CDH12: variants seen among roughly 807,000 people sequenced by gnomAD.
CDH12 encodes cadherin-12.
In CDH12, 41 loss-of-function variants were observed where a neutral mutation model predicts 74.1. That is an observed-to-expected ratio of 0.55 (90% CI 0.43 to 0.72). The LOEUF is 0.72. CDH12 is among the 30% of genes least tolerant of loss of function. The pLI is 0.00. For missense variants in CDH12, 945 were observed against 977.2 expected (o/e 0.97, Z 0.44); for synonymous variants, 399 against 355.0 (o/e 1.12, Z -1.39).
intron 6 of CDH12, among the ~76,000 whole-genome samples, chr5:21,955,404 TG>T (rs1561326108): frequency 6.6e-6 from 1 of 151,940 alleles, no homozygotes; most frequent in Non-Finnish European, 1.5e-5. Flanking sequence ...CTAGTTATGG[TG>T]GGATATTATT....
chr5:22,163,078 A>G (rs567898896), intron 4 of CDH12, among the ~76,000 whole-genome samples: 1 of 151,838 alleles, frequency 6.6e-6, no homozygotes, highest in East Asian at 1.9e-4. Context: ...TTGTATTTTT[A>G]GTAGAGACGG....
intron 1 of CDH12, among the ~76,000 whole-genome samples, chr5:22,792,823 T>A (rs1230597653): frequency 6.6e-6 from 1 of 152,158 alleles, no homozygotes; most frequent in Non-Finnish European, 1.5e-5. Context: ...ACTGGATATC[T>A]CTCCTGGTGT....
intron 5 of CDH12, among the ~76,000 whole-genome samples, chr5:22,049,492 T>C (rs1021691318): frequency 2.0e-5 from 3 of 152,094 alleles, no homozygotes; most frequent in African/African-American, 2.4e-5. Context: ...TTTCCTTGCC[T>C]AAGTTCAGCA....
chr5:22,272,446 C>A (rs1235523083), intron 3 of CDH12, among the ~76,000 whole-genome samples: 1 of 152,172 alleles, frequency 6.6e-6, no homozygotes, highest in Non-Finnish European at 1.5e-5. Context: ...CATGTATTCA[C>A]TGAAGTAGAT....
intron 4 of CDH12, among the ~76,000 whole-genome samples, chr5:22,121,832 C>G (rs568874655): frequency 2.6e-5 from 4 of 152,228 alleles, no homozygotes; most frequent in East Asian, 3.9e-4. Context: ...TGGAAAACCC[C>G]TTTGTTCACT....
chr5:22,695,766 C>T (rs771114754), intron 1 of CDH12, among the ~76,000 whole-genome samples: 10 of 152,066 alleles, frequency 6.6e-5, no homozygotes, highest in Non-Finnish European at 1.5e-4. Flanking sequence ...AATGACATCT[C>T]AGAATTTAGT....
chr5:22,481,941 A>T (rs2551502), intron 2 of CDH12, among the ~76,000 whole-genome samples: 143,131 of 152,196 alleles, frequency 0.94, 67,398 homozygotes, highest in Admixed American at 0.97. Flanking sequence ...AGTTATTTGT[A>T]AAATTATATA....
chr5:22,086,786 T>C (rs1743096293), intron 4 of CDH12, among the ~76,000 whole-genome samples: 1 of 152,184 alleles, frequency 6.6e-6, no homozygotes, highest in African/African-American at 2.4e-5. Flanking sequence ...GGGACATCTT[T>C]CCAGTACTTT....
chr5:22,087,636 G>A (rs1020559192), intron 4 of CDH12, among the ~76,000 whole-genome samples: 1 of 151,604 alleles, frequency 6.6e-6, no homozygotes, highest in African/African-American at 2.4e-5. Flanking sequence ...GTGAGACTTT[G>A]TCTCAAAAAA....
chr5:22,539,043 A>C (rs1737984820), intron 1 of CDH12, among the ~76,000 whole-genome samples: 1 of 152,200 alleles, frequency 6.6e-6, no homozygotes. Flanking sequence ...TTACAGGTGC[A>C]AGCCACTGTG....
At chr5:22,825,700 C>T (rs914608697) in intron 1 of CDH12, among the ~76,000 whole-genome samples, 4 of 152,266 alleles carry the variant, frequency 2.6e-5, no homozygotes, top group African/African-American at 9.6e-5. Context: ...CCTCTGTACA[C>T]AATTGGCTTG....
At chr5:22,788,487 C>A (rs764118450) in intron 1 of CDH12, among the ~76,000 whole-genome samples, 1 of 149,954 alleles carries the variant, frequency 6.7e-6, no homozygotes, top group Non-Finnish European at 1.5e-5. Flanking sequence ...ATTGAATACT[C>A]ACTATATGTC....
chr5:22,001,104 ATTG>A (rs1268892591), intron 5 of CDH12, among the ~76,000 whole-genome samples: 1 of 152,162 alleles, frequency 6.6e-6, no homozygotes, highest in Non-Finnish European at 1.5e-5. Flanking sequence ...GTCACCATTA[ATTG>A]TTGTAGCTTT....
At chr5:22,255,416 TA>T (rs1177217255) in intron 3 of CDH12, among the ~76,000 whole-genome samples, 1 of 151,832 alleles carries the variant, frequency 6.6e-6, no homozygotes, top group Non-Finnish European at 1.5e-5. Flanking sequence ...ATATGTATGC[TA>T]AAAACATTCA....
At chr5:22,423,856 A>G (rs1743764105) in intron 2 of CDH12, among the ~76,000 whole-genome samples, 1 of 151,758 alleles carries the variant, frequency 6.6e-6, no homozygotes, top group South Asian at 2.1e-4. Context: ...ACAAAAAATT[A>G]GCCGGGCGTG....
intron 1 of CDH12, among the ~76,000 whole-genome samples, chr5:22,779,993 T>C (rs1019355725): frequency 4.6e-5 from 7 of 152,258 alleles, no homozygotes; most frequent in African/African-American, 1.7e-4. Flanking sequence ...TAAGTTCATC[T>C]TCTTTATAAC....
chr5:22,256,027 T>C (rs1753302856), intron 3 of CDH12, among the ~76,000 whole-genome samples: 1 of 152,116 alleles, frequency 6.6e-6, no homozygotes, highest in African/African-American at 2.4e-5. Context: ...CTTCAAACCA[T>C]CTTATATTAT....
At chr5:22,132,576 G>C (rs999064618) in intron 4 of CDH12, among the ~76,000 whole-genome samples, 16 of 151,706 alleles carry the variant, frequency 1.1e-4, no homozygotes, top group African/African-American at 2.4e-5. Context: ...ACAACAGGAG[G>C]GGGAAACGGG....
At chr5:21,764,820 T>G (rs1203451307) in intron 12 of CDH12, among the ~76,000 whole-genome samples, 158 bp downstream of exon 12, 1 of 152,168 alleles carries the variant, frequency 6.6e-6, no homozygotes, top group Admixed American at 6.6e-5. Flanking sequence ...TCTATATCAT[T>G]AATTCACAAG....
Sources: gnomAD v4.1 joint callset for allele counts (sites outside exome capture counted in the v4.1 genomes callset) on GRCh38, gnomAD v4.1.1 for gene constraint, MANE v1.5 for transcripts, NCBI Gene and HGNC (gene_info 2026-07-23, HGNC 2026-07-21) for gene names.